The following SMAD9 variants were observed in gnomAD, a reference collection of about 807,000 sequenced individuals.
SMAD9 encodes MAD homolog 9.
A neutral mutation model predicts 46.1 loss-of-function variants in SMAD9; 36 were observed. The ratio of observed to expected loss-of-function variants is 0.78; its 90% CI spans 0.60 to 1.03. SMAD9 has a LOEUF of 1.03. SMAD9 is among the 50% of genes least tolerant of loss of function. The pLI is 0.00. For synonymous variants in SMAD9, 245 were observed against 237.1 expected (o/e 1.03, Z -0.31); for missense variants, 572 against 599.8 (o/e 0.95, Z 0.48).
intron 1 of SMAD9, among the ~76,000 whole-genome samples, chr13:36,888,804 A>G (rs2058468305): frequency 6.6e-6 from 1 of 152,204 alleles, no homozygotes; most frequent in Non-Finnish European, 1.5e-5. Context: ...TGTGTGCTTT[A>G]CTAAAGGATG....
chr13:36,864,405 G>A (rs1033572409), intron 5 of SMAD9, among the ~76,000 whole-genome samples: 4 of 152,234 alleles, frequency 2.6e-5, no homozygotes, highest in Admixed American at 6.5e-5. Context: ...ATTCCCAGGA[G>A]GTCAGGCATT....
At chr13:36,918,606 T>C (rs572225760) in intron 1 of SMAD9, among the ~76,000 whole-genome samples, 16 of 152,354 alleles carry the variant, frequency 1.1e-4, no homozygotes, top group African/African-American at 7.2e-5. Context: ...ATCTGAAGCC[T>C]CCTTCTTGGA....
chr13:36,851,964 AC>A (rs1231253455), intron 6 of SMAD9: 1 of 977,668 alleles, frequency 1.0e-6, no homozygotes, highest in Non-Finnish European at 1.2e-6. Flanking sequence ...AAAAACACAG[AC>A]CCGGAAAAAA....
intron 1 of SMAD9, among the ~76,000 whole-genome samples, chr13:36,885,688 G>C (rs920115380): frequency 4.6e-5 from 7 of 151,844 alleles, no homozygotes; most frequent in Non-Finnish European, 8.8e-5. Context: ...AACAGAGACA[G>C]GGGAGCTCTA....
At chr13:36,869,744 G>A (rs1383307944) in intron 3 of SMAD9, among the ~76,000 whole-genome samples, 4 of 152,014 alleles carry the variant, frequency 2.6e-5, no homozygotes, top group Non-Finnish European at 4.4e-5. Flanking sequence ...CAGGAGAATG[G>A]CTTGTACCTG....
At chr13:36,860,193 T>C (rs2058167058) in intron 5 of SMAD9, among the ~76,000 whole-genome samples, 1 of 152,130 alleles carries the variant, frequency 6.6e-6, no homozygotes, top group Non-Finnish European at 1.5e-5. Flanking sequence ...TGCAAGGAGC[T>C]GACTGGTGAA....
chr13:36,887,577 A>C (rs1316692454), intron 1 of SMAD9, among the ~76,000 whole-genome samples: 5 of 152,012 alleles, frequency 3.3e-5, no homozygotes, highest in Non-Finnish European at 7.4e-5. Context: ...AACAGATCAG[A>C]TGGGGGAGCA....
intron 6 of SMAD9, chr13:36,852,528 T>C: frequency 1.0e-6 from 1 of 984,494 alleles, no homozygotes; most frequent in Non-Finnish European, 1.2e-6. Flanking sequence ...CTTAATAAGA[T>C]TCGATATGAG....
Position 36,867,396 on chromosome 13 carries a change from A to G in SMAD9, c.671-13T>C. ...GGTGGTGTGTCAACTAAAAGAAAGCAGTAGAACAAAGGAATTGTCAAATCG... is the reference window on the plus strand; with the variant it reads ...GGTGGTGTGTCAACTAAAAGAAAGCGGTAGAACAAAGGAATTGTCAAATCG... On this transcript the variant is annotated splice_polypyrimidine_tract_variant and intron_variant, in intron 3 of 6. Coordinates refer to ENST00000379826, the MANE Select transcript of SMAD9 (RefSeq NM_001127217.3). 1.3e-6 allele frequency: 2 copies of G among 1,492,542 alleles called. No homozygotes were observed. The highest frequency in any genetic ancestry group is 1.8e-6 in the Non-Finnish European group (2 of 1,098,732). The allele number at this position is 1,492,542 out of a possible 1,614,324, so 92.5% of individuals were successfully genotyped here.
intron 2 of SMAD9, among the ~76,000 whole-genome samples, chr13:36,878,558 C>T (rs951675411): frequency 6.6e-6 from 1 of 152,152 alleles, no homozygotes; most frequent in Non-Finnish European, 1.5e-5. Context: ...TTAAGTGATA[C>T]CTGTCTGTAC....
chr13:36,880,478 GAAAAGAAAAGAAA>G (rs1566027306), intron 1 of SMAD9, among the ~76,000 whole-genome samples: 1 of 151,958 alleles, frequency 6.6e-6, no homozygotes, highest in African/African-American at 2.4e-5. Flanking sequence ...AAATACTAAT[GAAAAGAAAAGAAA>G]AAAAGAATCG....
In SMAD9 at chr13:36,847,227, AG is replaced by A. The variant is rs1270946935; in HGVS notation, c.*1448del. On this transcript the variant is annotated 3_prime_UTR_variant, in exon 7 of 7. Coordinates refer to ENST00000379826, the MANE Select transcript of SMAD9 (RefSeq NM_001127217.3). ...ACTACCATGTGCACTAATGCTAGAAAGAGTTGAGATAAAATGTATAAATGAA... is the reference window on the plus strand; with the variant it reads ...ACTACCATGTGCACTAATGCTAGAAAAGTTGAGATAAAATGTATAAATGAA... 7 of 152,336 alleles carry A rather than the reference AG, an allele frequency of 4.6e-5. No homozygotes were observed. Among genetic ancestry groups the A allele is most frequent in the African/African-American group, 1.7e-4 (7 of 41,586 alleles). The allele number at this position is 152,336 out of a possible 1,614,324, so 9.4% of individuals were successfully genotyped here.
At chr13:36,911,504 A>G (rs1314072265) in intron 1 of SMAD9, among the ~76,000 whole-genome samples, 2 of 151,904 alleles carry the variant, frequency 1.3e-5, no homozygotes, top group African/African-American at 4.8e-5. Context: ...AAAGTATTAA[A>G]TGACTATAAA....
chr13:36,873,005 T>G, intron 2 of SMAD9, 90 bp from the exon 3 acceptor site: 1 of 1,472,670 alleles, frequency 6.8e-7, no homozygotes, highest in Non-Finnish European at 9.4e-7. Flanking sequence ...ATCTATTTTT[T>G]GTTTATGATA....
chr13:36,872,620 T>C, intron 3 of SMAD9, 38 bp downstream of exon 3: 1 of 1,611,260 alleles, frequency 6.2e-7, no homozygotes, highest in Non-Finnish European at 8.5e-7. Context: ...TTGGGCTTAT[T>C]TTCCCGTATT....
chr13:36,848,628 C>T lies in SMAD9; in HGVS notation c.*48G>A, dbSNP rs764071282. On this transcript the variant is annotated 3_prime_UTR_variant, in exon 7 of 7. Coordinates refer to ENST00000379826, the MANE Select transcript of SMAD9 (RefSeq NM_001127217.3). ...CAAATCTGAAATGATACAAGCCACT[C>T]CCTGCAATAGCCTCTATCCTATGGA... The T allele has an allele frequency of 1.8e-5, 28 of 1,577,622 alleles. No homozygotes were observed. The highest frequency in any genetic ancestry group is 2.4e-5 in the Non-Finnish European group (28 of 1,146,868).
Position 36,847,286 on chromosome 13 carries a change from TAC to T in SMAD9, c.*1388_*1389del, listed in dbSNP as rs1376272220. 2 of 152,216 alleles carry T rather than the reference TAC, an allele frequency of 1.3e-5. No homozygotes were observed. The highest frequency in any genetic ancestry group is 2.9e-5 in the Non-Finnish European group (2 of 68,034). The allele number at this position is 152,216 out of a possible 1,614,324, so 9.4% of individuals were successfully genotyped here. A position where few individuals can be genotyped will look rare whatever the true frequency, so the allele number is the denominator to read the frequency against. On this transcript the variant is annotated 3_prime_UTR_variant, in exon 7 of 7. Transcript: ENST00000379826. Reference sequence around the variant, plus strand: ...CTTGGATTACTGAAGTGCTGTCTGTTACAAGCATAACTGCCATCTTAAATTGT... The same window carrying T: ...CTTGGATTACTGAAGTGCTGTCTGTTAAGCATAACTGCCATCTTAAATTGT...
rs568673395 is a variant in SMAD9, at chr13:36,870,870, G to A, written c.670+1788C>T. On this transcript the variant is annotated intron_variant, in intron 3 of 6. Transcript: ENST00000379826. ...TTAAATCAGAGTGACCTCAACAGTA[G>A]ATCTGATCACAGAGACAGCTACTAA... 2.6e-5 allele frequency among the ~76,000 whole-genome samples: 4 copies of A among 152,302 alleles called. No homozygotes were observed. In the South Asian group the frequency reaches 6.2e-4, roughly 24 times the overall value.
chr13:36,896,130 T>TATTC (rs1474697974), intron 1 of SMAD9, among the ~76,000 whole-genome samples: 3 of 151,640 alleles, frequency 2.0e-5, no homozygotes, highest in Admixed American at 2.0e-4. Context: ...TTTATTTATT[T>TATTC]ATTTATTTAT....
Sources: gnomAD v4.1 joint callset for allele counts (sites outside exome capture counted in the v4.1 genomes callset) on GRCh38, gnomAD v4.1.1 for gene constraint, MANE v1.5 for transcripts, NCBI Gene and HGNC (gene_info 2026-07-23, HGNC 2026-07-21) for gene names.